Variants in EYS observed in about 807,000 individuals in gnomAD.
The protein encoded by EYS is EGF-like photoreceptor maintenance factor.
EYS carries 250 observed loss-of-function variants against 282.1 expected under a neutral mutation model. That is an observed-to-expected ratio of 0.89 (90% CI 0.80 to 0.98). EYS has a LOEUF of 0.98. Among genes scored for constraint, EYS ranks in the 50% least tolerant of loss-of-function variants. The pLI is 0.00. For missense variants in EYS, 4,016 were observed against 3,709.0 expected, an observed-to-expected ratio of 1.08 and a Z score of -2.15; for synonymous variants, 1,355 against 1,282.9, an observed-to-expected ratio of 1.06 and a Z score of -1.20.
chr6:64,437,026 T>C (rs1482817053), intron 27 of EYS, among the ~76,000 whole-genome samples: 1 of 151,754 alleles, frequency 6.6e-6, no homozygotes, highest in African/African-American at 2.4e-5. Context: ...CCTAGCTGTA[T>C]TTAAGTTGAT....
chr6:65,188,660 T>C (rs1302229915), intron 12 of EYS, among the ~76,000 whole-genome samples: 3 of 150,798 alleles, frequency 2.0e-5, no homozygotes, highest in Non-Finnish European at 4.4e-5. Flanking sequence ...TTCTGAATTA[T>C]CTGGCAGGTC....
intron 13 of EYS, among the ~76,000 whole-genome samples, chr6:65,008,638 C>T (rs1206087955): frequency 6.6e-6 from 1 of 152,194 alleles, no homozygotes; most frequent in East Asian, 1.9e-4. Flanking sequence ...CTTGTCCATA[C>T]CCCTTATGTC....
chr6:64,841,749 A>G (rs1339486658), intron 19 of EYS, among the ~76,000 whole-genome samples: 2 of 152,168 alleles, frequency 1.3e-5, no homozygotes, highest in Non-Finnish European at 2.9e-5. Context: ...AATATCAGCT[A>G]TAGTCAAAAT....
intron 13 of EYS, among the ~76,000 whole-genome samples, chr6:65,035,509 CA>C (rs1448863381): frequency 6.6e-6 from 1 of 151,968 alleles, no homozygotes; most frequent in Non-Finnish European, 1.5e-5. Flanking sequence ...AATCAATGTA[CA>C]AAAATCACTA....
At chr6:64,571,301 A>G (rs1251938709) in intron 26 of EYS, among the ~76,000 whole-genome samples, 2 of 152,220 alleles carry the variant, frequency 1.3e-5, no homozygotes, top group African/African-American at 4.8e-5. Context: ...AATTTATACC[A>G]CTAAATGGCC....
rs1285632246 is a variant in EYS, at chr6:65,495,451, CT to C, written c.-42del. ...TTTTACAGTTTATCATAAAGAATTG[CT>C]GCAAAATGGTGTTTTAAGTATTACC... On this transcript the variant is annotated 5_prime_UTR_variant, in exon 4 of 43. Transcript: ENST00000503581. 1.3e-6 allele frequency: 2 copies of C among 1,596,876 alleles called. No homozygotes were observed. The highest frequency in any genetic ancestry group is 1.7e-6 in the Non-Finnish European group (2 of 1,175,702).
chr6:63,905,741 G>T (rs1392452646), intron 35 of EYS, among the ~76,000 whole-genome samples: 1 of 152,182 alleles, frequency 6.6e-6, no homozygotes, highest in Non-Finnish European at 1.5e-5. Context: ...ACTAGAATTT[G>T]CCTGTCGATT....
At chr6:64,499,777 C>T (rs886727062) in intron 26 of EYS, among the ~76,000 whole-genome samples, 2 of 151,980 alleles carry the variant, frequency 1.3e-5, no homozygotes, top group African/African-American at 4.8e-5. Context: ...TGTAACATAA[C>T]AATAAGTTAT....
At chr6:65,040,614 A>T (rs578222995) in intron 13 of EYS, among the ~76,000 whole-genome samples, 1 of 151,762 alleles carries the variant, frequency 6.6e-6, no homozygotes, top group Admixed American at 6.6e-5. Context: ...AGCACATAGT[A>T]TACTCACTTG....
chr6:63,863,651 T>C (rs1230971048), intron 36 of EYS, among the ~76,000 whole-genome samples: 1 of 5,016 alleles, frequency 2.0e-4, no homozygotes, highest in Non-Finnish European at 1.7e-3. Flanking sequence ...TTCTTTTCTT[T>C]TCTTTTCTTT....
intron 36 of EYS, among the ~76,000 whole-genome samples, chr6:63,854,569 A>G (rs1394792466): frequency 1.3e-5 from 2 of 152,212 alleles, no homozygotes; most frequent in African/African-American, 4.8e-5. Context: ...ATGTATACCT[A>G]TGTAACAAAC....
At chr6:64,388,107 A>C (rs1772972930) in intron 29 of EYS, among the ~76,000 whole-genome samples, 1 of 152,150 alleles carries the variant, frequency 6.6e-6, no homozygotes, top group African/African-American at 2.4e-5. Context: ...AATTTGCTGC[A>C]ACAACATAAA....
At chr6:65,698,443 A>C (rs910401929) in intron 1 of EYS, among the ~76,000 whole-genome samples, 1 of 152,200 alleles carries the variant, frequency 6.6e-6, no homozygotes, top group Non-Finnish European at 1.5e-5. Flanking sequence ...TATATCAATA[A>C]TATAAGACTT....
At position 63,755,233 on chromosome 6, in the gene EYS, G is replaced by A. The variant is rs1276374545; in HGVS notation, c.8071+7228C>T. Among the ~76,000 whole-genome samples the A allele has an allele frequency of 2.0e-5, 3 of 152,220 alleles. No individual in the cohort carries two copies. The East Asian group carries it at 5.8e-4, about 29-fold the overall frequency. On this transcript the variant is annotated intron_variant, in intron 41 of 42. Transcript: ENST00000503581. The stretch of plus-strand genomic sequence containing the variant: ...GTCAATTTTGGCTTTTGTTGCCATT[G>A]CTTTTGGTGTTTTAGTTATGAAGTC...
intron 26 of EYS, among the ~76,000 whole-genome samples, chr6:64,462,942 A>ATTTTTTT (rs58373990): frequency 1.9e-5 from 2 of 105,926 alleles, no homozygotes; most frequent in Non-Finnish European, 2.0e-5. Context: ...CTCAGCTTTA[A>ATTTTTTT]TTTTTTTTTT....
intron 30 of EYS, among the ~76,000 whole-genome samples, chr6:64,274,236 T>G (rs960553115): frequency 3.3e-5 from 5 of 152,188 alleles, no homozygotes; most frequent in African/African-American, 1.2e-4. Flanking sequence ...AGTGCAGTAG[T>G]GTGATCTCAG....
At chr6:64,233,822 G>A (rs985638937) in intron 30 of EYS, among the ~76,000 whole-genome samples, 15 of 152,246 alleles carry the variant, frequency 9.9e-5, no homozygotes, top group African/African-American at 2.6e-4. Context: ...ATTTCCAGTC[G>A]TGTTGGGGAA....
At chr6:64,593,056 G>T in intron 25 of EYS, 61 bp downstream of exon 25, 1 of 1,236,026 alleles carries the variant, frequency 8.1e-7, no homozygotes, top group Non-Finnish European at 1.1e-6. Flanking sequence ...CAGAAAATAT[G>T]CTTTTACCAC....
At chr6:64,776,222 A>G (rs1363399982) in intron 22 of EYS, among the ~76,000 whole-genome samples, 1 of 152,114 alleles carries the variant, frequency 6.6e-6, no homozygotes, top group East Asian at 1.9e-4. Flanking sequence ...TCATTGCTTG[A>G]GGAGATCGAG....
Sources: allele counts gnomAD v4.1 joint callset (sites outside exome capture counted in the v4.1 genomes callset), GRCh38; gene constraint gnomAD v4.1.1; transcripts MANE v1.5; gene names NCBI Gene and HGNC (gene_info 2026-07-23, HGNC 2026-07-21).